The following PKHD1 variants were observed in gnomAD, a reference collection of about 807,000 sequenced individuals.
PKHD1 encodes fibrocystin.
Under a neutral mutation model 412.0 loss-of-function variants are expected in PKHD1, and 291 were observed. That is an observed-to-expected ratio of 0.71 (90% CI 0.64 to 0.78). PKHD1 has a LOEUF of 0.78. Among genes scored for constraint, PKHD1 ranks in the 30% least tolerant of loss-of-function variants. The pLI, the probability that PKHD1 is intolerant of heterozygous loss-of-function variation, is 0.00. For synonymous variants in PKHD1, 1,777 were observed against 1,821.5 expected, an observed-to-expected ratio of 0.98 and a Z score of 0.62; for missense variants, 4,825 against 4,950.7, an observed-to-expected ratio of 0.97 and a Z score of 0.76.
chr6:51,664,631 T>C (rs1234946492), intron 60 of PKHD1, among the ~76,000 whole-genome samples: 1 of 152,208 alleles, frequency 6.6e-6, no homozygotes, highest in Non-Finnish European at 1.5e-5. Context: ...TCTCTCTAGT[T>C]GCCATATTGT....
At chr6:51,831,140 AAAGC>A in intron 51 of PKHD1, 151 bp from the exon 52 acceptor site, 1 of 652,636 alleles carries the variant, frequency 1.5e-6, no homozygotes, top group Non-Finnish European at 2.7e-6. Context: ...TATCAGTTAA[AAAGC>A]AAGTAATTAT....
chr6:51,792,819 C>T (rs976127853), intron 52 of PKHD1, among the ~76,000 whole-genome samples: 2 of 152,200 alleles, frequency 1.3e-5, no homozygotes, highest in Admixed American at 6.5e-5. Context: ...CCACCACTCT[C>T]CCTGGGGAAA....
chr6:51,910,575 A>G (rs1400302665), intron 39 of PKHD1, among the ~76,000 whole-genome samples: 2 of 152,114 alleles, frequency 1.3e-5, no homozygotes, highest in African/African-American at 4.8e-5. Flanking sequence ...ACGATTTGTG[A>G]TGCAATCAAG....
At chr6:51,796,250 C>T (rs1443293049) in intron 52 of PKHD1, among the ~76,000 whole-genome samples, 1 of 151,874 alleles carries the variant, frequency 6.6e-6, no homozygotes, top group African/African-American at 2.4e-5. Flanking sequence ...TGCATGTGTC[C>T]AGGAATTTAT....
chr6:51,832,668 G>C (rs1010283466), intron 51 of PKHD1, among the ~76,000 whole-genome samples: 1 of 152,010 alleles, frequency 6.6e-6, no homozygotes, highest in African/African-American at 2.4e-5. Context: ...AGATGAATTT[G>C]GCATCATCGG....
At chr6:52,044,880 A>T (rs1805529031) in intron 25 of PKHD1, 86 bp downstream of exon 25, 2 of 1,492,714 alleles carry the variant, frequency 1.3e-6, no homozygotes, top group African/African-American at 2.8e-5. Context: ...TAAGAGCTAA[A>T]TCAATGAGTC....
At chr6:51,905,235 T>C (rs1781904415) in intron 41 of PKHD1, among the ~76,000 whole-genome samples, 3 of 152,212 alleles carry the variant, frequency 2.0e-5, no homozygotes. Flanking sequence ...CTGGAGACCC[T>C]TTGTTTCTTA....
At chr6:51,890,272 G>C (rs1014122749) in intron 43 of PKHD1, among the ~76,000 whole-genome samples, 1 of 152,114 alleles carries the variant, frequency 6.6e-6, no homozygotes, top group African/African-American at 2.4e-5. Context: ...TTAGAGACTA[G>C]AGTAGAGAAA....
intron 53 of PKHD1, among the ~76,000 whole-genome samples, chr6:51,782,703 CAT>C (rs775227328): frequency 3.9e-5 from 6 of 152,086 alleles, no homozygotes; most frequent in Non-Finnish European, 5.9e-5. Context: ...ATTTTCTAAT[CAT>C]AGTTAAATCT....
chr6:51,733,103 C>T (rs147465997), intron 60 of PKHD1, among the ~76,000 whole-genome samples: 17 of 152,090 alleles, frequency 1.1e-4, no homozygotes, highest in African/African-American at 3.4e-4. Context: ...TTCAGGAACA[C>T]GGGGTAGGGA....
At chr6:51,806,132 G>C (rs1285265622) in intron 52 of PKHD1, among the ~76,000 whole-genome samples, 1 of 151,966 alleles carries the variant, frequency 6.6e-6, no homozygotes, top group African/African-American at 2.4e-5. Flanking sequence ...TAAATGACGA[G>C]TTAATGGGTG....
chr6:51,870,067 A>C (rs1562502149), intron 47 of PKHD1, among the ~76,000 whole-genome samples: 1 of 152,196 alleles, frequency 6.6e-6, no homozygotes, highest in Non-Finnish European at 1.5e-5. Context: ...GAAAACATTA[A>C]GTACCTGAAC....
chr6:51,629,764 G>C (rs904834860), intron 65 of PKHD1, among the ~76,000 whole-genome samples: 1 of 152,198 alleles, frequency 6.6e-6, no homozygotes, highest in African/African-American at 2.4e-5. Flanking sequence ...ATTTTTACTT[G>C]AAAGAGCTTG....
At chr6:51,904,770 T>G (rs1781824215) in intron 41 of PKHD1, among the ~76,000 whole-genome samples, 1 of 152,218 alleles carries the variant, frequency 6.6e-6, no homozygotes, top group Admixed American at 6.5e-5. Flanking sequence ...CCTTGCATAG[T>G]TAATATCTAT....
At chr6:51,807,830 G>A (rs1764083143) in intron 52 of PKHD1, among the ~76,000 whole-genome samples, 1 of 151,974 alleles carries the variant, frequency 6.6e-6, no homozygotes, top group Admixed American at 6.6e-5. Context: ...AAACTTCACT[G>A]TATGATTCCT....
At chr6:51,838,105 G>A (rs1186012088) in intron 50 of PKHD1, among the ~76,000 whole-genome samples, 2 of 152,108 alleles carry the variant, frequency 1.3e-5, no homozygotes, top group African/African-American at 4.8e-5. Flanking sequence ...GTTGATTTGT[G>A]CATTCTCTAA....
intron 34 of PKHD1, among the ~76,000 whole-genome samples, chr6:52,012,262 T>C (rs555171793): frequency 6.6e-6 from 1 of 152,348 alleles, no homozygotes; most frequent in East Asian, 1.9e-4. Context: ...TAGATTAGCA[T>C]GGAACCTGGC....
chr6:51,619,054 C>T lies in PKHD1; in HGVS notation c.*27G>A, dbSNP rs764352165. On this transcript the variant is annotated 3_prime_UTR_variant, in exon 67 of 67. Transcript: ENST00000371117. ...GAAATACTGGGAACATTCTGCCTTT[C>T]AGGCCAAATGCCCCCAACTTCCCTG... 18 of 1,602,294 alleles carry T rather than the reference C, an allele frequency of 1.1e-5. No individual in the cohort carries two copies. The highest frequency in any genetic ancestry group is 1.5e-5 in the Non-Finnish European group (17 of 1,169,540).
intron 55 of PKHD1, among the ~76,000 whole-genome samples, chr6:51,769,516 T>C (rs1789693552): frequency 6.6e-6 from 1 of 151,496 alleles, no homozygotes. Flanking sequence ...TCATTTTATA[T>C]ATTGGGGTTT....
Sources: allele counts gnomAD v4.1 joint callset (sites outside exome capture counted in the v4.1 genomes callset), GRCh38; gene constraint gnomAD v4.1.1; transcripts MANE v1.5; gene names NCBI Gene and HGNC (gene_info 2026-07-23, HGNC 2026-07-21).